THAP9: variants seen among roughly 807,000 people sequenced by gnomAD.
The protein encoded by THAP9 is THAP domain containing 9.
Under a neutral mutation model 35.7 loss-of-function variants are expected in THAP9, and 20 were observed. That is an observed-to-expected ratio of 0.56 (90% CI 0.39 to 0.81). The LOEUF is 0.81. THAP9 is among the 40% of genes least tolerant of loss of function. The probability of loss-of-function intolerance (pLI) is 0.00; values close to 1 mark genes in which losing one functional copy is unlikely to be tolerated. For missense variants in THAP9, 870 were observed against 1,047.4 expected (o/e 0.83, Z 2.34); for synonymous variants, 335 against 373.7 (o/e 0.90, Z 1.19).
intron 4 of THAP9, chr4:82,913,227 G>C (rs531750600): frequency 6.6e-6 from 1 of 151,930 alleles, no homozygotes; most frequent in African/African-American, 2.4e-5. Flanking sequence ...ACAAATCCAC[G>C]TACCATTCTG....
At chr4:82,907,646 C>G (rs953356511) in intron 3 of THAP9, 139 bp from the exon 4 acceptor site, 1 of 654,148 alleles carries the variant, frequency 1.5e-6, no homozygotes, top group Middle Eastern at 4.2e-4. Context: ...GGATATTAAC[C>G]TCTGAATAGA....
chr4:82,904,690 A>T (rs112075994), intron 1 of THAP9, 46 bp from the exon 2 acceptor site: 1 of 1,549,442 alleles, frequency 6.5e-7, no homozygotes. Flanking sequence ...CTGTAATAGT[A>T]CTATAATGTT....
intron 1 of THAP9, among the ~76,000 whole-genome samples, chr4:82,901,723 T>G (rs918990357): frequency 9.2e-5 from 14 of 151,584 alleles, no homozygotes; most frequent in African/African-American, 1.2e-4. Context: ...TTTTTTTTTT[T>G]TTGTTTTCTA....
Position 82,918,866 on chromosome 4 carries a change from C to A in THAP9, c.2654C>A (p.Ala885Asp). ...SVQDYKCSSFANTSSKFRHLL... is the reference protein window; with the variant it reads ...SVQDYKCSSFDNTSSKFRHLL... ...CAGGATTATAAATGTTCAAGTTTTG[C>A]TAATACCAGTAGTAAATTCAGGCAT... The change falls in exon 5 of 5, where the codon GCT becomes GAT. Residue 885 changes from alanine (A) to aspartate (D), a missense_variant. Around this residue, in one of 3 missense-constraint regions of THAP9, gnomAD observed 414 missense variants for 500.8 expected, o/e 0.83. Transcript: ENST00000302236. The A allele has an allele frequency of 6.2e-7, 1 of 1,612,058 alleles. No homozygotes were observed. Among genetic ancestry groups the A allele is most frequent in the Non-Finnish European group, 8.5e-7 (1 of 1,179,100 alleles).
Position 82,907,852 on chromosome 4 carries a change from A to T in THAP9, c.648A>T (p.Ala216=), listed in dbSNP as rs184994232. 2 of 1,611,318 alleles carry T rather than the reference A, an allele frequency of 1.2e-6. No homozygotes were observed. The highest frequency in any genetic ancestry group is 1.7e-6 in the Non-Finnish European group (2 of 1,178,774). Residue 216 remains alanine (A), a synonymous_variant, in exon 4 of 5, where the codon GCA becomes GCT. Transcript: ENST00000302236. The stretch of plus-strand genomic sequence containing the variant: ...ACTCCGCAGAAATGAAACAATTTGC[A>T]TGTACACTCTACTTGTGCAGTAGCA... ...DEYSAEMKQF[A]CTLYLCSSKV...
intron 1 of THAP9, chr4:82,901,199 T>G (rs1720345081): frequency 3.4e-6 from 2 of 584,050 alleles, no homozygotes; most frequent in Non-Finnish European, 6.5e-6. Context: ...GGGAAGGCAG[T>G]TTAGGACAAC....
At chr4:82,908,022 A>T in intron 4 of THAP9, 87 bp downstream of exon 4, 2 of 1,316,332 alleles carry the variant, frequency 1.5e-6, no homozygotes, top group Non-Finnish European at 2.1e-6. Flanking sequence ...TTTAGATGTT[A>T]AACCATATTA....
rs1465329782 is a variant in THAP9, at chr4:82,918,912, T to G, written c.2700T>G (p.Tyr900Ter). The G allele has an allele frequency of 2.5e-6, 4 of 1,589,090 alleles. No individual in the cohort carries two copies. The highest frequency in any genetic ancestry group is 3.4e-6 in the Non-Finnish European group (4 of 1,168,164). Residue 900 changes from tyrosine (Y) to a stop codon, truncating the protein, a stop_gained, in exon 5 of 5, where the codon TAT becomes TAG. Transcript: ENST00000302236. LOFTEE classifies it high-confidence loss of function. ...GGCATTTGCTAAGTAACGATGGATA[T>G]CCATTCAAATGAGAGACCTAAAATA... is the stretch of plus-strand genomic sequence containing the variant. ...KFRHLLSNDGYPFK is the reference protein window; with the variant it reads ...KFRHLLSNDG
chr4:82,906,841 A>G (rs1720667781), intron 3 of THAP9, among the ~76,000 whole-genome samples: 1 of 152,188 alleles, frequency 6.6e-6, no homozygotes, highest in African/African-American at 2.4e-5. Context: ...GGAAAAGCAA[A>G]GAAATATTTA....
Position 82,918,669 on chromosome 4 carries a change from G to T in THAP9, c.2457G>T (p.Lys819Asn), listed in dbSNP as rs1301566766. Residue 819 changes from lysine (K) to asparagine (N), a missense_variant, in exon 5 of 5, where the codon AAG becomes AAT. Lys to Asn is a moderately conservative substitution (Grantham distance 94). This residue lies in a region of THAP9 where 414 missense variants were observed against 500.8 expected (regional missense o/e 0.83). Transcript: ENST00000302236. Reference protein sequence around the residue: ...GHINLFVDVNKHLFDGEVCAI... With the variant: ...GHINLFVDVNNHLFDGEVCAI... ...TTAATCTTTTTGTAGATGTGAATAA[G>T]CATCTCTTTGATGGAGAAGTGTGTG... 6.2e-7 allele frequency: 1 copy of T among 1,613,992 alleles called. No homozygotes were observed.
intron 3 of THAP9, among the ~76,000 whole-genome samples, 187 bp from the exon 4 acceptor site, chr4:82,907,598 C>A (rs1422704450): frequency 6.6e-6 from 1 of 152,072 alleles, no homozygotes; most frequent in African/African-American, 2.4e-5. Flanking sequence ...TGAAATGATT[C>A]CAGATGAACC....
Position 82,918,497 on chromosome 4 carries a change from A to G in THAP9, c.2285A>G (p.His762Arg). 1.9e-6 allele frequency: 3 copies of G among 1,614,158 alleles called. No homozygotes were observed. The highest frequency in any genetic ancestry group is 1.6e-4 in the Middle Eastern group (1 of 6,062). Residue 762 changes from histidine to arginine, a missense_variant, in exon 5 of 5, where the codon CAT becomes CGT. His to Arg is a conservative substitution (Grantham distance 29). Around this residue, in one of 3 missense-constraint regions of THAP9, gnomAD observed 414 missense variants for 500.8 expected, o/e 0.83. Coordinates refer to ENST00000302236, the MANE Select transcript of THAP9 (RefSeq NM_024672.6). ...TTTGTTAAAAAGAAGAATGGTTTGC[A>G]TTTTCCTTCAGAAAGTCTGTGTCGG... ...LLFVKKKNGL[H>R]FPSESLCRVI...
Position 82,918,865 on chromosome 4 carries a change from G to C in THAP9, c.2653G>C (p.Ala885Pro). Reference sequence around the variant, plus strand: ...ACAGGATTATAAATGTTCAAGTTTTGCTAATACCAGTAGTAAATTCAGGCA... The same window carrying C: ...ACAGGATTATAAATGTTCAAGTTTTCCTAATACCAGTAGTAAATTCAGGCA... ...SVQDYKCSSF[A>P]NTSSKFRHLL... The change falls in exon 5 of 5, where the codon GCT (alanine) becomes CCT (proline). Residue 885 changes from alanine to proline, a missense_variant. This residue lies in a region of THAP9 where 414 missense variants were observed against 500.8 expected (regional missense o/e 0.83). Transcript: ENST00000302236. The C allele has an allele frequency of 6.2e-7, 1 of 1,612,144 alleles. No individual in the cohort carries two copies. The highest frequency in any genetic ancestry group is 8.5e-7 in the Non-Finnish European group (1 of 1,179,180).
chr4:82,911,355 G>A (rs924786409), intron 4 of THAP9, among the ~76,000 whole-genome samples: 1 of 152,076 alleles, frequency 6.6e-6, no homozygotes, highest in African/African-American at 2.4e-5. Flanking sequence ...ACTTGGGGAG[G>A]CTGTGGAGGA....
intron 4 of THAP9, among the ~76,000 whole-genome samples, chr4:82,910,998 G>C (rs557576497): frequency 7.4e-4 from 113 of 152,324 alleles, no homozygotes; most frequent in Non-Finnish European, 1.4e-3. Context: ...CTATGAAGTA[G>C]AGCAGAGAAG....
intron 4 of THAP9, among the ~76,000 whole-genome samples, chr4:82,915,720 C>A (rs540827776): frequency 2.6e-4 from 39 of 152,014 alleles, no homozygotes; most frequent in Non-Finnish European, 4.6e-4. Context: ...TGCCAGTATA[C>A]CAAAATCCAT....
rs1720648012 is a variant in THAP9 at position 82,906,395 on chromosome 4, T to C, written c.348T>C (p.Ser116=). 6.2e-7 allele frequency: 1 copy of C among 1,613,352 alleles called. No individual in the cohort carries two copies. Among genetic ancestry groups the C allele is most frequent in the African/African-American group, 1.3e-5 (1 of 74,880 alleles). Residue 116 remains serine, a synonymous_variant, in exon 3 of 5, where the codon TCT becomes TCC. Coordinates refer to ENST00000302236, the MANE Select transcript of THAP9 (RefSeq NM_024672.6). ...KILKQPLPDN[S]QEVATEDHNY... is the part of the protein sequence containing the mutation. ...TAAAACAACCTCTTCCAGACAATTC[T>C]CAAGAAGTTGCTACTGAGGACCATA...
rs948599518 is a variant in THAP9, at chr4:82,917,086, T to C, written c.874T>C (p.Trp292Arg). Residue 292 changes from tryptophan (W) to arginine (R), a missense_variant, in exon 5 of 5, where the codon TGG (tryptophan) becomes CGG (arginine). Physicochemically the swap from Trp to Arg is moderately radical, Grantham distance 101. Around this residue, in one of 3 missense-constraint regions of THAP9, gnomAD observed 440 missense variants for 501.2 expected, o/e 0.88. Transcript: ENST00000302236. ...KSMPLKQQLQ[W>R]DPSSHSLQGF... ...TATGCCTCTCAAGCAACAGCTTCAG[T>C]GGGATCCTAGCAGTCACAGTTTGCA... The C allele has an allele frequency of 5.0e-6, 8 of 1,613,508 alleles. No individual in the cohort carries two copies. The African/African-American group carries it at 9.3e-5, about 19-fold the overall frequency.
intron 4 of THAP9, among the ~76,000 whole-genome samples, chr4:82,911,042 G>A (rs964254486): frequency 3.3e-5 from 5 of 152,134 alleles, no homozygotes; most frequent in Admixed American, 2.0e-4. Flanking sequence ...GCATTGAGGG[G>A]AGGGTGTTTG....
Sources: gnomAD v4.1 joint callset for allele counts (sites outside exome capture counted in the v4.1 genomes callset) on GRCh38, gnomAD v4.1.1 for gene constraint, gnomAD v4.1.1 regional missense constraint, MANE v1.5 for transcripts, NCBI Gene and HGNC (gene_info 2026-07-23, HGNC 2026-07-21) for gene names.